The following SLC2A5 variants were observed in gnomAD, a reference collection of about 807,000 sequenced individuals.
SLC2A5 encodes solute carrier family 2 member 5, also known as solute carrier family 2, facilitated glucose transporter member 5.
In SLC2A5, 56 loss-of-function variants were observed where a neutral mutation model predicts 50.3. The ratio of observed to expected loss-of-function variants is 1.11; its 90% confidence interval spans 0.90 to 1.39. The LOEUF (loss-of-function observed/expected upper bound fraction) is 1.39. SLC2A5 is among the 40% of genes most tolerant of loss of function. SLC2A5 has a pLI of 0.00. For synonymous variants in SLC2A5, 269 were observed against 281.9 expected (o/e 0.95, Z 0.46); for missense variants, 566 against 650.1 (o/e 0.87, Z 1.41).
chr1:9,065,281 G>A (rs1415934071), intron 1 of SLC2A5, among the ~76,000 whole-genome samples: 1 of 152,086 alleles, frequency 6.6e-6, no homozygotes, highest in Non-Finnish European at 1.5e-5. Flanking sequence ...TTTTGCTACA[G>A]TTTCTTTTTT....
chr1:9,049,179 T>G (rs909446563), intron 3 of SLC2A5: 1 of 456,104 alleles, frequency 2.2e-6, no homozygotes, highest in African/African-American at 2.0e-5. Flanking sequence ...AGGACCCTCA[T>G]GATGGACGAA....
intron 4 of SLC2A5, among the ~76,000 whole-genome samples, chr1:9,043,378 C>T (rs1641353642): frequency 6.6e-6 from 1 of 152,130 alleles, no homozygotes; most frequent in South Asian, 2.1e-4. Context: ...ATCGATTCTT[C>T]CTCATTTGCA....
upstream of SLC2A5, among the ~76,000 whole-genome samples, chr1:9,088,949 G>C (rs2124490931): frequency 6.6e-6 from 1 of 152,324 alleles, no homozygotes; most frequent in East Asian, 1.9e-4. Flanking sequence ...ATCTTTCTCT[G>C]AAAACTCCTC....
chr1:9,057,029 C>T (rs1217660357), intron 3 of SLC2A5, among the ~76,000 whole-genome samples: 1 of 152,188 alleles, frequency 6.6e-6, no homozygotes, highest in Non-Finnish European at 1.5e-5. Context: ...CAGTGGCTCA[C>T]GCCTGTAATC....
intron 1 of SLC2A5, among the ~76,000 whole-genome samples, chr1:9,068,049 G>A (rs980853740): frequency 6.6e-6 from 1 of 151,936 alleles, no homozygotes; most frequent in African/African-American, 2.4e-5. Context: ...AATTAGCCGG[G>A]TGTGGTGGTG....
chr1:9,078,442 A>G (rs569881105), intron 2 of SLC2A5, among the ~76,000 whole-genome samples: 3 of 152,240 alleles, frequency 2.0e-5, no homozygotes, highest in South Asian at 2.1e-4. Flanking sequence ...TCTGGTTCCA[A>G]TGCCTCTGAC....
At chr1:9,052,012 G>A (rs988115491) in intron 3 of SLC2A5, among the ~76,000 whole-genome samples, 4 of 152,214 alleles carry the variant, frequency 2.6e-5, no homozygotes, top group African/African-American at 7.2e-5. Context: ...TGGGCCAGGC[G>A]CGGTGGCTCA....
intron 4 of SLC2A5, 68 bp downstream of exon 4, chr1:9,047,542 C>T: frequency 6.4e-7 from 1 of 1,550,398 alleles, no homozygotes; most frequent in Non-Finnish European, 8.8e-7. Flanking sequence ...GGTTCTAGTC[C>T]CTGGGAACCT....
At chr1:9,092,180 G>A (rs1642467691), upstream of SLC2A5, among the ~76,000 whole-genome samples, 1 of 152,102 alleles carries the variant, frequency 6.6e-6, no homozygotes, top group Non-Finnish European at 1.5e-5. Flanking sequence ...GGTAAAACAT[G>A]CCTCAACCAA....
At chr1:9,056,523 G>A (rs1325932197) in intron 3 of SLC2A5, among the ~76,000 whole-genome samples, 4 of 151,938 alleles carry the variant, frequency 2.6e-5, no homozygotes, top group African/African-American at 9.7e-5. Flanking sequence ...TGAAATACTG[G>A]AGGAGGAGTC....
chr1:9,057,219 G>A (rs1167640993), intron 3 of SLC2A5, among the ~76,000 whole-genome samples: 9 of 151,274 alleles, frequency 5.9e-5, no homozygotes, highest in African/African-American at 1.9e-4. Flanking sequence ...CTGGGAGGCG[G>A]AGGTTGCGGT....
intron 2 of SLC2A5, among the ~76,000 whole-genome samples, chr1:9,076,636 C>T (rs1642286545): frequency 6.6e-6 from 1 of 152,084 alleles, no homozygotes; most frequent in African/African-American, 2.4e-5. Flanking sequence ...CTCTTGGCCA[C>T]ACCCATTTAT....
intron 9 of SLC2A5, 55 bp downstream of exon 9, chr1:9,038,773 G>T: frequency 6.6e-7 from 1 of 1,512,660 alleles, no homozygotes. Context: ...GGATGGGAGG[G>T]GCACTGGTCT....
intron 1 of SLC2A5, among the ~76,000 whole-genome samples, chr1:9,087,398 G>T (rs1451931549): frequency 6.6e-6 from 1 of 151,938 alleles, no homozygotes; most frequent in Non-Finnish European, 1.5e-5. Context: ...TAGAGATGGG[G>T]TTTCACCGTG....
rs749367482 is a variant in SLC2A5, at chr1:9,038,051, T to G, written c.1175-27A>C. The G allele has an allele frequency of 4.3e-6, 7 of 1,612,002 alleles. 1 individual carries two copies. Among genetic ancestry groups the G allele is most frequent in the Middle Eastern group, 3.4e-4 (2 of 5,940 alleles). ...TGTAGGGGGAGGAGAGCAGCCTCCC[T>G]GAAGGCAGAGCGGGCCCGAGCATCC... On this transcript the variant is annotated intron_variant, in intron 10 of 11. Coordinates refer to ENST00000377424, the MANE Select transcript of SLC2A5 (RefSeq NM_003039.3).
chr1:9,078,104 C>T (rs1239505207), intron 2 of SLC2A5, among the ~76,000 whole-genome samples: 1 of 152,132 alleles, frequency 6.6e-6, no homozygotes, highest in East Asian at 1.9e-4. Context: ...AGGGCTCCTC[C>T]CGCTTTTAGG....
At chr1:9,038,147 G>T in intron 10 of SLC2A5, 123 bp from the exon 11 acceptor site, 1 of 1,201,610 alleles carries the variant, frequency 8.3e-7, no homozygotes, top group African/African-American at 1.5e-5. Context: ...TCTTGGGCAT[G>T]TGGGGCAGCA....
intron 1 of SLC2A5, among the ~76,000 whole-genome samples, chr1:9,064,267 G>C (rs1271641491): frequency 6.6e-6 from 1 of 152,048 alleles, no homozygotes; most frequent in Non-Finnish European, 1.5e-5. Context: ...TTCCAGGAGG[G>C]AGAACAAAAA....
At chr1:9,078,687 C>T (rs1642319210) in intron 2 of SLC2A5, among the ~76,000 whole-genome samples, 1 of 152,146 alleles carries the variant, frequency 6.6e-6, no homozygotes, top group African/African-American at 2.4e-5. Flanking sequence ...GTTCTTTGTA[C>T]CATGAATTCC....
Sources: allele counts gnomAD v4.1 joint callset (sites outside exome capture counted in the v4.1 genomes callset), GRCh38; gene constraint gnomAD v4.1.1; transcripts MANE v1.5; gene names NCBI Gene and HGNC (gene_info 2026-07-23, HGNC 2026-07-21).